NFIB: variants seen among roughly 807,000 people sequenced by gnomAD.
The protein encoded by NFIB is nuclear factor 1 B-type.
In NFIB, 11 loss-of-function variants were observed where a neutral mutation model predicts 61.5. The observed-to-expected ratio is 0.18, with a 90% CI of 0.11 to 0.30. The LOEUF (loss-of-function observed/expected upper bound fraction) is 0.30. Ranked by LOEUF, NFIB falls within the 10% of genes least tolerant of loss-of-function variation. The pLI, the probability that NFIB is intolerant of heterozygous loss-of-function variation, is 1.00. For synonymous variants in NFIB, 260 were observed against 216.5 expected (o/e 1.20, Z -1.76); for missense variants, 471 against 608.9 (o/e 0.77, Z 2.38).
intron 10 of NFIB, among the ~76,000 whole-genome samples, chr9:14,089,652 C>T (rs1404630513): frequency 6.6e-6 from 1 of 152,116 alleles, no homozygotes; most frequent in African/African-American, 2.4e-5. Flanking sequence ...AACATACTTT[C>T]GAGGTTTTAA....
chr9:14,299,349 T>C (rs576350651), intron 2 of NFIB, among the ~76,000 whole-genome samples: 1 of 152,330 alleles, frequency 6.6e-6, no homozygotes, highest in African/African-American at 2.4e-5. Context: ...TATTAATGGA[T>C]GCTTGTTAAA....
At chr9:14,243,798 A>T (rs1160071747) in intron 2 of NFIB, among the ~76,000 whole-genome samples, 2 of 152,184 alleles carry the variant, frequency 1.3e-5, no homozygotes, top group Non-Finnish European at 2.9e-5. Context: ...AAGCTGCATG[A>T]CATCATGTGG....
intron 5 of NFIB, among the ~76,000 whole-genome samples, chr9:14,147,374 C>A (rs952214762): frequency 6.6e-6 from 1 of 152,026 alleles, no homozygotes; most frequent in Non-Finnish European, 1.5e-5. Context: ...AGTTCAAAGG[C>A]AGACGGTTGG....
intron 1 of NFIB, among the ~76,000 whole-genome samples, chr9:14,336,004 T>C (rs759503947): frequency 6.6e-6 from 1 of 152,244 alleles, no homozygotes; most frequent in Non-Finnish European, 1.5e-5. Flanking sequence ...TATTTCTGTT[T>C]TTCTATTCTG....
intron 2 of NFIB, among the ~76,000 whole-genome samples, chr9:14,226,237 G>C (rs1280544170): frequency 3.3e-5 from 5 of 151,776 alleles, no homozygotes; most frequent in Admixed American, 2.0e-4. Context: ...AAGTCTATTA[G>C]GTAAAACGAC....
chr9:14,392,831 T>G (rs1286128544), intron 1 of NFIB, among the ~76,000 whole-genome samples: 1 of 152,252 alleles, frequency 6.6e-6, no homozygotes, highest in Non-Finnish European at 1.5e-5. Context: ...TAGTACATGC[T>G]AATACCTGGC....
At chr9:14,306,399 T>C (rs2060020075) in intron 2 of NFIB, among the ~76,000 whole-genome samples, 1 of 152,196 alleles carries the variant, frequency 6.6e-6, no homozygotes, top group African/African-American at 2.4e-5. Context: ...CAATCAAAAG[T>C]GATGATAGAA....
At chr9:14,323,776 C>A (rs2060715901) in intron 1 of NFIB, among the ~76,000 whole-genome samples, 1 of 152,168 alleles carries the variant, frequency 6.6e-6, no homozygotes, top group African/African-American at 2.4e-5. Context: ...ATACCTCCTA[C>A]AACACGCAGT....
rs191146559 is a variant in NFIB, at chr9:14,249,616, T to A, written c.562+57373A>T. On this transcript the variant is annotated intron_variant, in intron 2 of 10. Coordinates refer to ENST00000380953, the MANE Select transcript of NFIB (RefSeq NM_001190737.2). ...CATGATTATTGCATATCATTGTGCA[T>A]TCACTGACAATAGTAGATACTTAGC... Among the ~76,000 whole-genome samples, 114 of 152,044 alleles carry A rather than the reference T, an allele frequency of 7.5e-4. 1 individual carries two copies. The highest frequency in any genetic ancestry group is 2.7e-3 in the African/African-American group (110 of 41,428).
the NFIB span, among the ~76,000 whole-genome samples, chr9:14,459,425 C>T: frequency 6.6e-6 from 1 of 152,176 alleles, no homozygotes; most frequent in Non-Finnish European, 1.5e-5. Context: ...TAGAAGAAAA[C>T]CTAGGCAATA....
At chr9:14,323,729 A>T (rs1350711219) in intron 1 of NFIB, among the ~76,000 whole-genome samples, 1 of 152,212 alleles carries the variant, frequency 6.6e-6, no homozygotes, top group Non-Finnish European at 1.5e-5. Context: ...GTTTACCCTC[A>T]AAGTCCTAGA....
At chr9:14,316,253 C>T (rs910286507), upstream of NFIB, among the ~76,000 whole-genome samples, 3 of 152,246 alleles carry the variant, frequency 2.0e-5, no homozygotes, top group Non-Finnish European at 4.4e-5. Flanking sequence ...CAAACACAGT[C>T]CGTTTTCAAA....
chr9:14,485,451 G>A, the NFIB span, among the ~76,000 whole-genome samples: 1 of 152,206 alleles, frequency 6.6e-6, no homozygotes, highest in Non-Finnish European at 1.5e-5. Context: ...AGTCTTCACT[G>A]ATTGAACTAT....
intron 1 of NFIB, among the ~76,000 whole-genome samples, chr9:14,346,473 G>T (rs1454539148): frequency 6.6e-6 from 1 of 152,094 alleles, no homozygotes; most frequent in Non-Finnish European, 1.5e-5. Context: ...AGCCCAACCC[G>T]ATGGGATTCA....
chr9:14,119,969 T>C (rs540206176), intron 8 of NFIB, among the ~76,000 whole-genome samples: 2 of 152,366 alleles, frequency 1.3e-5, no homozygotes, highest in African/African-American at 4.8e-5. Flanking sequence ...AATATTCAAG[T>C]AGTCATCAAA....
intron 5 of NFIB, among the ~76,000 whole-genome samples, chr9:14,147,636 C>CCT (rs368454013): frequency 9.2e-6 from 1 of 108,674 alleles, no homozygotes; most frequent in African/African-American, 3.8e-5. Context: ...TAAAATGATA[C>CCT]TTTTTTTTTT....
chr9:14,256,798 C>A lies in NFIB; in HGVS notation c.562+50191G>T, dbSNP rs1345949985. Among the ~76,000 whole-genome samples, 5 of 152,148 alleles carry A rather than the reference C, an allele frequency of 3.3e-5. No homozygotes were observed. In the East Asian group the frequency reaches 9.6e-4, roughly 29 times the overall value. ...CCAACAATGCACCAGTTCCAGAGGT[C>A]CTCTGCAGAACTTGAAGAGACAGCA... On this transcript the variant is annotated intron_variant, in intron 2 of 10. Coordinates refer to ENST00000380953, the MANE Select transcript of NFIB (RefSeq NM_001190737.2).
chr9:14,129,553 G>A (rs1415960309), intron 6 of NFIB, among the ~76,000 whole-genome samples: 1 of 151,960 alleles, frequency 6.6e-6, no homozygotes, highest in Non-Finnish European at 1.5e-5. Context: ...TATTTTGAAT[G>A]TCTACAGTCT....
intron 1 of NFIB, among the ~76,000 whole-genome samples, chr9:14,344,651 GTGTTTATAC>G (rs2060997684): frequency 6.6e-6 from 1 of 151,984 alleles, no homozygotes; most frequent in African/African-American, 2.4e-5. Context: ...TTGAGAGTCA[GTGTTTATAC>G]TGTTTTGTGT....
Sources: gnomAD v4.1 joint callset for allele counts (sites outside exome capture counted in the v4.1 genomes callset) on GRCh38, gnomAD v4.1.1 for gene constraint, MANE v1.5 for transcripts, NCBI Gene and HGNC (gene_info 2026-07-23, HGNC 2026-07-21) for gene names.